GRIK3: variants seen among roughly 807,000 people sequenced by gnomAD.
The protein encoded by GRIK3 is glutamate ionotropic receptor kainate type subunit 3, also known as glutamate receptor ionotropic, kainate 3.
A neutral mutation model predicts 102.5 loss-of-function variants in GRIK3; 29 were observed. The observed-to-expected ratio is 0.28, with a 90% CI of 0.21 to 0.39. The LOEUF is 0.39. Ranked by LOEUF, GRIK3 falls within the 10% of genes least tolerant of loss-of-function variation. GRIK3 has a pLI of 1.00. For synonymous variants in GRIK3, 511 were observed against 504.9 expected (o/e 1.01, Z -0.16); for missense variants, 908 against 1,252.4 (o/e 0.73, Z 4.15).
intron 8 of GRIK3, among the ~76,000 whole-genome samples, chr1:36,851,704 C>A (rs1640587615): frequency 6.6e-6 from 1 of 152,240 alleles, no homozygotes; most frequent in South Asian, 2.1e-4. Flanking sequence ...TGGCTGTGAC[C>A]CGGTGCCTTG....
intron 1 of GRIK3, among the ~76,000 whole-genome samples, chr1:36,986,453 T>TCAGC (rs1642306735): frequency 3.4e-5 from 5 of 147,766 alleles, no homozygotes; most frequent in African/African-American, 7.7e-5. Context: ...CATCCATCCA[T>TCAGC]CCATCCATCA....
intron 3 of GRIK3, among the ~76,000 whole-genome samples, chr1:36,877,354 G>A (rs1640921765): frequency 6.6e-6 from 1 of 152,016 alleles, no homozygotes; most frequent in African/African-American, 2.4e-5. Flanking sequence ...TCTCTTCCAA[G>A]CACCCCTTGA....
At chr1:36,804,284 G>A (rs763767079) in intron 15 of GRIK3, among the ~76,000 whole-genome samples, 9 of 152,218 alleles carry the variant, frequency 5.9e-5, no homozygotes, top group Non-Finnish European at 1.3e-4. Flanking sequence ...CCCTCATCTC[G>A]GGCACACATT....
chr1:36,895,974 A>C (rs975273066), intron 1 of GRIK3, among the ~76,000 whole-genome samples: 2 of 152,198 alleles, frequency 1.3e-5, no homozygotes, highest in Non-Finnish European at 2.9e-5. Flanking sequence ...GTGAAGTGAA[A>C]TATATAAAGT....
chr1:37,015,045 G>C lies in GRIK3; in HGVS notation c.115+18949C>G, dbSNP rs1204747394. On this transcript the variant is annotated intron_variant, in intron 1 of 15. Coordinates refer to ENST00000373091, the MANE Select transcript of GRIK3 (RefSeq NM_000831.4). ...AGAATTCCCTACATTGGTTCATTCA[G>C]GGGTTAAAATAGCAGGGTCAGAATA... Among the ~76,000 whole-genome samples, 3 of 151,876 alleles carry C rather than the reference G, an allele frequency of 2.0e-5. No homozygotes were observed. The South Asian group carries it at 6.3e-4, about 32-fold the overall frequency.
chr1:36,953,821 A>G (rs1210139544), intron 1 of GRIK3, among the ~76,000 whole-genome samples: 1 of 152,160 alleles, frequency 6.6e-6, no homozygotes, highest in Non-Finnish European at 1.5e-5. Flanking sequence ...CTCGCTCCGC[A>G]GCAATCAAAG....
chr1:36,805,580 T>G (rs973985676), intron 14 of GRIK3, among the ~76,000 whole-genome samples: 1 of 152,136 alleles, frequency 6.6e-6, no homozygotes, highest in African/African-American at 2.4e-5. Context: ...CAGCTCTCAT[T>G]GCTCAGGCCA....
At position 36,817,188 on chromosome 1, in the gene GRIK3, C is replaced by A; in HGVS notation, c.1963G>T (p.Ala655Ser). 1 of 1,613,822 alleles carries A rather than the reference C, an allele frequency of 6.2e-7. No individual in the cohort carries two copies. The highest frequency in any genetic ancestry group is 8.5e-7 in the Non-Finnish European group (1 of 1,179,792). The change falls in exon 13 of 16, where the codon GCC becomes TCC. Residue 655 changes from alanine to serine, a missense_variant. Physicochemically the swap from Ala to Ser is moderately conservative, Grantham distance 99 (BLOSUM62 1). Around this residue, in one of 3 missense-constraint regions of GRIK3, gnomAD observed 26 missense variants for 64.8 expected, o/e 0.40. Coordinates refer to ENST00000373091, the MANE Select transcript of GRIK3 (RefSeq NM_000831.4). Reference protein sequence around the residue: ...FTLIIISSYTANLAAFLTVER... With the variant: ...FTLIIISSYTSNLAAFLTVER... ...ACGGTCAGAAAGGCAGCCAGGTTGGCCGTGTAGGAAGAGATGATGATGAGC... is the reference window on the plus strand; with the variant it reads ...ACGGTCAGAAAGGCAGCCAGGTTGGACGTGTAGGAAGAGATGATGATGAGC...
At chr1:37,004,037 A>G (rs1447991099) in intron 1 of GRIK3, among the ~76,000 whole-genome samples, 2 of 152,126 alleles carry the variant, frequency 1.3e-5, no homozygotes, top group East Asian at 3.9e-4. Context: ...ACTCGGCCCA[A>G]TCTCTGCCTT....
chr1:36,946,508 C>T (rs1641786499), intron 1 of GRIK3, among the ~76,000 whole-genome samples: 1 of 152,220 alleles, frequency 6.6e-6, no homozygotes, highest in Non-Finnish European at 1.5e-5. Flanking sequence ...TCAGGAAGGA[C>T]TTGGGTAGTC....
chr1:36,974,835 T>G (rs143278008), intron 1 of GRIK3, among the ~76,000 whole-genome samples: 1 of 151,296 alleles, frequency 6.6e-6, no homozygotes, highest in East Asian at 1.9e-4. Context: ...AATGCCATTC[T>G]GATACATGCT....
In GRIK3 at chr1:37,027,617, T is replaced by C. The variant is rs150867974; in HGVS notation, c.115+6377A>G. Among the ~76,000 whole-genome samples, 822 of 152,344 alleles carry C rather than the reference T, an allele frequency of 5.4e-3. 6 individuals carry two copies. Among genetic ancestry groups the C allele is most frequent in the African/African-American group, 0.018 (742 of 41,576 alleles). On this transcript the variant is annotated intron_variant, in intron 1 of 15. Transcript: ENST00000373091. ...AAGAAACGCTCAAGTGTGGACAGCA[T>C]GTAAGCTCTTTTGAAAAGACGTCAC...
At chr1:36,846,764 C>T (rs2124222450) in intron 9 of GRIK3, among the ~76,000 whole-genome samples, 1 of 152,376 alleles carries the variant, frequency 6.6e-6, no homozygotes, top group South Asian at 2.1e-4. Context: ...GCAGACCATG[C>T]AGAGCCTTTT....
At chr1:37,001,865 C>G (rs556780712) in intron 1 of GRIK3, among the ~76,000 whole-genome samples, 1 of 149,514 alleles carries the variant, frequency 6.7e-6, no homozygotes, top group African/African-American at 2.5e-5. Flanking sequence ...TGTGGGTGAC[C>G]GGAGCTCAGT....
rs1163104268 is a variant in GRIK3, at chr1:36,806,469, A to G, written c.2092-143T>C. 3.4e-6 allele frequency: 2 copies of G among 588,764 alleles called. No homozygotes were observed. Among genetic ancestry groups the G allele is most frequent in the Non-Finnish European group, 6.0e-6 (2 of 333,088 alleles). The allele number at this position is 588,764 out of a possible 1,614,324, so 36.5% of individuals were successfully genotyped here. ...AAAGGAAGTGCTACACGGTGCTCAG[A>G]TATAGAAATTGAGGCCCCGGGGCAA... On this transcript the variant is annotated intron_variant, in intron 13 of 15. Transcript: ENST00000373091. The surrounding 1 kb of genome is among the most constrained non-coding windows in gnomAD (Gnocchi z 4.0).
intron 9 of GRIK3, among the ~76,000 whole-genome samples, chr1:36,842,570 TC>T (rs1640469293): frequency 6.6e-6 from 1 of 152,124 alleles, no homozygotes; most frequent in Non-Finnish European, 1.5e-5. Context: ...ACCTCCTCAG[TC>T]CCCTGTGTTA....
At chr1:36,866,714 C>CA (rs1640788960) in intron 5 of GRIK3, among the ~76,000 whole-genome samples, 1 of 152,158 alleles carries the variant, frequency 6.6e-6, no homozygotes, top group African/African-American at 2.4e-5. Flanking sequence ...GTAACTTGCC[C>CA]AAGGGAGTGG....
chr1:36,928,316 C>G (rs1641551259), intron 1 of GRIK3, among the ~76,000 whole-genome samples: 7 of 152,162 alleles, frequency 4.6e-5, no homozygotes, highest in Admixed American at 4.6e-4. Flanking sequence ...GTGCTTTAGC[C>G]CACAGCTACC....
At chr1:37,022,381 G>T (rs1351296329) in intron 1 of GRIK3, among the ~76,000 whole-genome samples, 2 of 152,334 alleles carry the variant, frequency 1.3e-5, no homozygotes, top group South Asian at 2.1e-4. Context: ...GGAGAGAGGG[G>T]TGAGGTCAGA....
Sources: allele counts gnomAD v4.1 joint callset (sites outside exome capture counted in the v4.1 genomes callset), GRCh38; gene constraint gnomAD v4.1.1; regional missense constraint gnomAD v4.1.1; non-coding constraint Gnocchi (gnomAD v3.1); transcripts MANE v1.5; gene names NCBI Gene and HGNC (gene_info 2026-07-23, HGNC 2026-07-21).